UPRT: variants seen among roughly 807,000 people sequenced by gnomAD.
UPRT encodes the protein RP11-311P8.3.
A neutral mutation model predicts 22.6 loss-of-function variants in UPRT; 5 were observed. The observed-to-expected ratio is 0.22, with a 90% CI of 0.12 to 0.47. UPRT has a LOEUF of 0.47. Among genes scored for constraint, UPRT ranks in the 20% least tolerant of loss-of-function variants. UPRT has a pLI of 0.99. For missense variants in UPRT, 181 were observed against 239.9 expected (o/e 0.75, Z 1.62); for synonymous variants, 77 against 87.7 (o/e 0.88, Z 0.68).
intron 4 of UPRT, among the ~76,000 whole-genome samples, chrX:75,196,297 C>T (rs1486187386): frequency 8.9e-6 from 1 of 112,014 alleles, no homozygotes; most frequent in Non-Finnish European, 1.9e-5. Context: ...TCCTGAGTAC[C>T]TGGGACTATA....
chrX:75,264,044 A>C lies in UPRT; in HGVS notation c.-446-26980A>C, dbSNP rs973350254. ...TGATCAGTTTTGAGTGAGTTTCTTA[A>C]TCCTGAGTTCTAGTTTGATTGCACT... On this transcript the variant is annotated intron_variant, in intron 4 of 13. Transcript: ENST00000652605. Among the ~76,000 whole-genome samples, 33 of 111,272 alleles carry C rather than the reference A, an allele frequency of 3.0e-4. 1 individual carries two copies. Among genetic ancestry groups the C allele is most frequent in the African/African-American group, 1.0e-3 (31 of 30,674 alleles).
chrX:75,234,933 G>C (rs1178536600), intron 4 of UPRT, among the ~76,000 whole-genome samples: 1 of 111,313 alleles, frequency 9.0e-6, no homozygotes, highest in Admixed American at 9.6e-5. Context: ...AAATAACTAA[G>C]ATCAGAGCAG....
intron 4 of UPRT, among the ~76,000 whole-genome samples, chrX:75,261,135 C>T (rs1169820042): frequency 1.1e-4 from 12 of 111,449 alleles, no homozygotes; most frequent in Non-Finnish European, 2.3e-4. Context: ...GCACTAAATG[C>T]CCACAAGAGA....
chrX:75,176,075 C>T (rs949922292), intron 4 of UPRT, among the ~76,000 whole-genome samples: 3 of 111,267 alleles, frequency 2.7e-5, no homozygotes, highest in Admixed American at 9.6e-5. Flanking sequence ...TAAGGCCTCT[C>T]GTAGCCGCTC....
chrX:75,299,539 C>T (rs767105396), intron 4 of UPRT, among the ~76,000 whole-genome samples, 196 bp from the exon 5 acceptor site: 8 of 111,551 alleles, frequency 7.2e-5, no homozygotes, highest in African/African-American at 1.9e-4. Flanking sequence ...ATTAACCAGC[C>T]CTTAACCTGG....
intron 4 of UPRT, among the ~76,000 whole-genome samples, chrX:75,232,990 G>A (rs1488602604): frequency 8.9e-6 from 1 of 111,994 alleles, no homozygotes; most frequent in Non-Finnish European, 1.9e-5. Flanking sequence ...ATTACTCCGA[G>A]CTACGGGAGG....
At chrX:75,300,154 G>A (rs2082739295) in intron 5 of UPRT, among the ~76,000 whole-genome samples, 1 of 111,524 alleles carries the variant, frequency 9.0e-6, no homozygotes, top group Admixed American at 9.5e-5. Context: ...CAAAATATAT[G>A]GAATACAGAA....
chrX:75,178,266 G>A (rs1053588785), intron 4 of UPRT, among the ~76,000 whole-genome samples: 3 of 112,126 alleles, frequency 2.7e-5, no homozygotes, highest in Non-Finnish European at 5.6e-5. Flanking sequence ...TGGCCGACAG[G>A]TGCCCAGTTT....
At chrX:75,186,115 G>A (rs1428456664) in intron 4 of UPRT, among the ~76,000 whole-genome samples, 2 of 110,924 alleles carry the variant, frequency 1.8e-5, no homozygotes, top group African/African-American at 6.6e-5. Context: ...TGTGATGTTA[G>A]GGTGTCAATT....
intron 4 of UPRT, among the ~76,000 whole-genome samples, chrX:75,250,029 C>A (rs1246781537): frequency 8.9e-6 from 1 of 111,889 alleles, no homozygotes; most frequent in African/African-American, 3.3e-5. Context: ...AAAGACACAA[C>A]ATACCAGAAT....
intron 4 of UPRT, among the ~76,000 whole-genome samples, chrX:75,249,212 TA>T (rs1461568801): frequency 9.0e-6 from 1 of 111,473 alleles, no homozygotes. Context: ...ATAACAATAT[TA>T]ACCTTAAATG....
intron 4 of UPRT, among the ~76,000 whole-genome samples, chrX:75,240,511 A>G (rs2082485024): frequency 8.9e-6 from 1 of 112,334 alleles, no homozygotes; most frequent in African/African-American, 3.2e-5. Flanking sequence ...TGCTGAAAGC[A>G]AACTATAAAT....
chrX:75,285,550 AC>A (rs1433583898), intron 1 of UPRT: 2 of 111,516 alleles, frequency 1.8e-5, no homozygotes, highest in Admixed American at 1.9e-4. Flanking sequence ...TCTCCCACAA[AC>A]AGACCTTCAG....
At chrX:75,264,782 C>A (rs1000912214) in intron 4 of UPRT, among the ~76,000 whole-genome samples, 2 of 111,716 alleles carry the variant, frequency 1.8e-5, no homozygotes, top group Non-Finnish European at 3.8e-5. Flanking sequence ...TTCTTCCCAG[C>A]CTCGATGGTC....
intron 1 of UPRT, among the ~76,000 whole-genome samples, chrX:75,288,145 A>G (rs897822221): frequency 1.1e-4 from 12 of 111,597 alleles, no homozygotes; most frequent in Non-Finnish European, 2.3e-4. Flanking sequence ...GAAACCCTGA[A>G]CAGACCAACA....
At chrX:75,270,102 A>G (rs2082603601), upstream of UPRT, among the ~76,000 whole-genome samples, 1 of 112,274 alleles carries the variant, frequency 8.9e-6, no homozygotes, top group Admixed American at 9.5e-5. Flanking sequence ...AAGGATATGA[A>G]CAGACACTTC....
chrX:75,168,357 T>G (rs1208229329), intron 4 of UPRT, among the ~76,000 whole-genome samples: 1 of 108,347 alleles, frequency 9.2e-6, no homozygotes, highest in Non-Finnish European at 1.9e-5. Flanking sequence ...GAACACCTCA[T>G]CTCTTATTGG....
At chrX:75,229,583 C>A (rs2082432292) in intron 4 of UPRT, among the ~76,000 whole-genome samples, 1 of 111,838 alleles carries the variant, frequency 8.9e-6, no homozygotes, top group Non-Finnish European at 1.9e-5. Flanking sequence ...CTCTGAACAT[C>A]CATCCCTACT....
At chrX:75,221,737 A>C (rs1296794135) in intron 4 of UPRT, among the ~76,000 whole-genome samples, 2 of 111,804 alleles carry the variant, frequency 1.8e-5, no homozygotes, top group Non-Finnish European at 3.8e-5. Context: ...TCTTGAATTT[A>C]TTTGAGCTTC....
Sources: gnomAD v4.1 joint callset for allele counts (sites outside exome capture counted in the v4.1 genomes callset) on GRCh38, gnomAD v4.1.1 for gene constraint, MANE v1.5 for transcripts, NCBI Gene and HGNC (gene_info 2026-07-23, HGNC 2026-07-21) for gene names.